The following NFATC2 variants were observed in gnomAD, a reference collection of about 807,000 sequenced individuals.
NFATC2 encodes nuclear factor of activated T-cells, cytoplasmic 2.
In NFATC2, 22 loss-of-function variants were observed where a neutral mutation model predicts 87.3. The observed-to-expected ratio is 0.25, with a 90% CI of 0.18 to 0.36. The LOEUF is 0.36. Among genes scored for constraint, NFATC2 ranks in the 10% least tolerant of loss-of-function variants. The probability of loss-of-function intolerance (pLI) is 1.00; values close to 1 mark genes in which losing one functional copy is unlikely to be tolerated. For synonymous variants in NFATC2, 565 were observed against 542.2 expected (o/e 1.04, Z -0.58); for missense variants, 1,149 against 1,259.1 (o/e 0.91, Z 1.32).
chr20:51,548,082 G>A (rs1051440710), intron 1 of NFATC2, among the ~76,000 whole-genome samples: 1 of 152,124 alleles, frequency 6.6e-6, no homozygotes, highest in Middle Eastern at 3.4e-3. Context: ...CGTAAGCTAC[G>A]TCCCACCTGA....
chr20:51,418,659 GTTTTTT>G (rs752511466), intron 9 of NFATC2, among the ~76,000 whole-genome samples: 1 of 125,106 alleles, frequency 8.0e-6, no homozygotes, highest in Non-Finnish European at 1.6e-5. Flanking sequence ...TGTTTGTTTG[GTTTTTT>G]TTTTTTTTTT....
chr20:51,477,637 T>C (rs1421456667), intron 3 of NFATC2, among the ~76,000 whole-genome samples: 1 of 148,364 alleles, frequency 6.7e-6, no homozygotes, highest in African/African-American at 2.5e-5. Context: ...GTTCCTGTCT[T>C]GTCATTGAGT....
chr20:51,507,287 G>T (rs755166309), intron 3 of NFATC2, among the ~76,000 whole-genome samples: 1 of 152,178 alleles, frequency 6.6e-6, no homozygotes, highest in Non-Finnish European at 1.5e-5. Context: ...GACTCACCAT[G>T]TGGTTGCAAG....
intron 9 of NFATC2, among the ~76,000 whole-genome samples, chr20:51,412,466 G>C (rs1979391591): frequency 6.6e-6 from 1 of 152,230 alleles, no homozygotes; most frequent in African/African-American, 2.4e-5. Context: ...CAGGAGCAGG[G>C]AGTTCCAGTT....
intron 1 of NFATC2, 124 bp downstream of exon 1, chr20:51,542,246 G>A: frequency 7.9e-7 from 1 of 1,262,374 alleles, no homozygotes; most frequent in Non-Finnish European, 1.1e-6. Flanking sequence ...CCTGGGTAGG[G>A]GCACCCTCCC....
At chr20:51,427,348 T>C (rs1981989616) in intron 9 of NFATC2, among the ~76,000 whole-genome samples, 1 of 152,116 alleles carries the variant, frequency 6.6e-6, no homozygotes, top group Admixed American at 6.5e-5. Flanking sequence ...TCCTGAGTGG[T>C]AAAAAGTGCA....
chr20:51,434,705 T>C (rs551824843), intron 8 of NFATC2, among the ~76,000 whole-genome samples: 2 of 152,308 alleles, frequency 1.3e-5, no homozygotes, highest in South Asian at 2.1e-4. Context: ...ATCACCTTTC[T>C]TGGGGCTGTA....
chr20:51,516,616 G>A (rs1337004494), intron 3 of NFATC2, among the ~76,000 whole-genome samples, 168 bp downstream of exon 3: 4 of 152,198 alleles, frequency 2.6e-5, no homozygotes, highest in Non-Finnish European at 5.9e-5. Context: ...CTTATGAGTA[G>A]CTGGATTAGC....
chr20:51,486,789 G>T (rs1989745786), intron 3 of NFATC2, among the ~76,000 whole-genome samples: 1 of 152,124 alleles, frequency 6.6e-6, no homozygotes, highest in African/African-American at 2.4e-5. Flanking sequence ...GCTCATTCAT[G>T]TCTGGAACAG....
At chr20:51,398,131 C>T (rs1987476331) in intron 10 of NFATC2, among the ~76,000 whole-genome samples, 1 of 145,378 alleles carries the variant, frequency 6.9e-6, no homozygotes, top group South Asian at 2.2e-4. Context: ...TCAAAAGCCA[C>T]AACAAGGAAG....
At chr20:51,408,124 G>T (rs1459516000) in intron 9 of NFATC2, among the ~76,000 whole-genome samples, 1 of 152,186 alleles carries the variant, frequency 6.6e-6, no homozygotes, top group Non-Finnish European at 1.5e-5. Context: ...ATGTGGCAGG[G>T]TCGGTGGCTG....
At position 51,432,884 on chromosome 20, in the gene NFATC2, C is replaced by T. The variant is rs1568970284; in HGVS notation, c.2033-128G>A. 1 of 767,426 alleles carries T rather than the reference C, an allele frequency of 1.3e-6. No individual in the cohort carries two copies. The highest frequency in any genetic ancestry group is 3.7e-5 in the Admixed American group (1 of 26,908). 47.5% of individuals were successfully genotyped at this position (767,426 alleles called of 1,614,324 possible). A position where few individuals can be genotyped will look rare whatever the true frequency, so the allele number is the denominator to read the frequency against. On this transcript the variant is annotated intron_variant, in intron 8 of 10. Transcript: ENST00000371564. This position sits in a 1 kb window ranked among gnomAD's most constrained non-coding sequence, Gnocchi z 4.6. Reference sequence around the variant, plus strand: ...TACGGGTGGGACAAACAGCTGGTCCCTGTCACTTATCAGCCTTGGGCAAAA... The same window carrying T: ...TACGGGTGGGACAAACAGCTGGTCCTTGTCACTTATCAGCCTTGGGCAAAA...
intron 9 of NFATC2, among the ~76,000 whole-genome samples, chr20:51,414,591 A>C (rs1420760712): frequency 5.3e-5 from 8 of 152,154 alleles, no homozygotes; most frequent in African/African-American, 1.9e-4. Flanking sequence ...TGGGAGGCTG[A>C]GGCAGGAGAA....
In NFATC2 at chr20:51,516,954, T is replaced by C. The variant is rs754106200; in HGVS notation, c.1162A>G (p.Ile388Val). The change falls in exon 3 of 11, where the codon ATC (isoleucine) becomes GTC (valine). Residue 388 changes from isoleucine (I) to valine (V), a missense_variant and splice_region_variant. Ile to Val is a conservative substitution (Grantham distance 29, BLOSUM62 3). Around this residue, in one of 3 missense-constraint regions of NFATC2, gnomAD observed 563 missense variants for 585.2 expected, o/e 0.96. Transcript: ENST00000371564. ...GGAGGGAGGGATGCAGTCACTGGGA[T>C]GCTAAAGGAGAAAATAAAATCAGCC... Reference protein sequence around the residue: ...PLVPAIPICSIPVTASLPPLE... With the variant: ...PLVPAIPICSVPVTASLPPLE... 6.2e-6 allele frequency: 10 copies of C among 1,601,824 alleles called. No homozygotes were observed. Among genetic ancestry groups the C allele is most frequent in the Non-Finnish European group, 7.7e-6 (9 of 1,173,720 alleles).
intron 1 of NFATC2, among the ~76,000 whole-genome samples, chr20:51,561,786 C>A (rs1025176751): frequency 6.6e-6 from 1 of 152,150 alleles, no homozygotes; most frequent in Non-Finnish European, 1.5e-5. Flanking sequence ...CTTTTAAAGA[C>A]CGATTCGTTA....
intron 6 of NFATC2, among the ~76,000 whole-genome samples, chr20:51,452,455 C>T (rs1274658779): frequency 2.0e-5 from 3 of 152,216 alleles, no homozygotes; most frequent in Non-Finnish European, 4.4e-5. Flanking sequence ...CCTCAGATCT[C>T]ATTGCTGACA....
chr20:51,493,847 G>A (rs1363187748), intron 3 of NFATC2, among the ~76,000 whole-genome samples: 1 of 152,126 alleles, frequency 6.6e-6, no homozygotes, highest in African/African-American at 2.4e-5. Context: ...AGCCCGGAAC[G>A]TGACACCCTT....
At position 51,422,185 on chromosome 20, in the gene NFATC2, C is replaced by T. The variant is rs115689541; in HGVS notation, c.2722+9882G>A. 2.1e-3 allele frequency among the ~76,000 whole-genome samples: 327 copies of T among 152,284 alleles called. 2 individuals carry two copies. Among genetic ancestry groups the T allele is most frequent in the African/African-American group, 7.6e-3 (317 of 41,556 alleles). On this transcript the variant is annotated intron_variant, in intron 9 of 10. Transcript: ENST00000371564. Reference sequence around the variant, plus strand: ...TTAAGTCCAAACTGCTCGCAACAGACAGTCCTGCCATAAAACCAAGTTGGG... The same window carrying T: ...TTAAGTCCAAACTGCTCGCAACAGATAGTCCTGCCATAAAACCAAGTTGGG...
chr20:51,555,635 T>C (rs1192302600), intron 1 of NFATC2, among the ~76,000 whole-genome samples: 1 of 151,842 alleles, frequency 6.6e-6, no homozygotes, highest in Non-Finnish European at 1.5e-5. Context: ...CCCACGATCT[T>C]GTCTCCATCA....
Sources: gnomAD v4.1 joint callset for allele counts (sites outside exome capture counted in the v4.1 genomes callset) on GRCh38, gnomAD v4.1.1 for gene constraint, gnomAD v4.1.1 regional missense constraint, Gnocchi (gnomAD v3.1) non-coding constraint, MANE v1.5 for transcripts, NCBI Gene and HGNC (gene_info 2026-07-23, HGNC 2026-07-21) for gene names.